PTPRD: variants seen among roughly 807,000 people sequenced by gnomAD.
The protein encoded by PTPRD is protein tyrosine phosphatase receptor type D.
In PTPRD, 34 loss-of-function variants were observed where a neutral mutation model predicts 214.5. That is an observed-to-expected ratio of 0.16 (90% CI 0.12 to 0.21). The LOEUF (loss-of-function observed/expected upper bound fraction) is 0.21, where lower values mean the gene tolerates loss of function less well. Among genes scored for constraint, PTPRD ranks in the 10% least tolerant of loss-of-function variants. The pLI, the probability that PTPRD is intolerant of heterozygous loss-of-function variation, is 1.00. For synonymous variants in PTPRD, 1,128 were observed against 845.7 expected, an observed-to-expected ratio of 1.33 and a Z score of -5.79; for missense variants, 2,545 against 2,398.7, an observed-to-expected ratio of 1.06 and a Z score of -1.27.
intron 2 of PTPRD, among the ~76,000 whole-genome samples, chr9:10,494,961 C>A (rs1379136125): frequency 6.6e-6 from 1 of 151,702 alleles, no homozygotes; most frequent in African/African-American, 2.4e-5. Context: ...CATATCATCA[C>A]TAAAAATCTG....
chr9:8,982,792 T>C (rs997939230), intron 11 of PTPRD, among the ~76,000 whole-genome samples: 2 of 152,024 alleles, frequency 1.3e-5, no homozygotes, highest in African/African-American at 4.8e-5. Flanking sequence ...TATTATTTAT[T>C]TTCCTTATTT....
chr9:8,882,801 G>A (rs1196406383), intron 11 of PTPRD, among the ~76,000 whole-genome samples: 2 of 150,862 alleles, frequency 1.3e-5, no homozygotes, highest in Non-Finnish European at 2.9e-5. Context: ...AGGAGAATCA[G>A]GTGAAGCCAG....
chr9:10,519,943 T>C (rs2051601811), intron 2 of PTPRD, among the ~76,000 whole-genome samples: 1 of 151,970 alleles, frequency 6.6e-6, no homozygotes, highest in African/African-American at 2.4e-5. Context: ...ACTACAATAT[T>C]AACATTAGCC....
Position 8,500,812 on chromosome 9 carries a change from A to T in PTPRD, c.2070T>A (p.His690Gln), listed in dbSNP as rs1478608021. 3 of 1,614,060 alleles carry T rather than the reference A, an allele frequency of 1.9e-6. No individual in the cohort carries two copies. Among genetic ancestry groups the T allele is most frequent in the Non-Finnish European group, 2.5e-6 (3 of 1,180,032 alleles). ...WTEYRITVTA[H>Q]TDVGPGPESL... The stretch of plus-strand genomic sequence containing the variant: ...TCTCAGGGCCAGGGCCGACATCTGT[A>T]TGGGCTGTCACAGTGATCCGGTATT... The change falls in exon 24 of 46, where the codon CAT (histidine) becomes CAA (glutamine). Residue 690 changes from histidine to glutamine, a missense_variant. Coordinates refer to ENST00000381196, the MANE Select transcript of PTPRD (RefSeq NM_002839.4).
intron 10 of PTPRD, among the ~76,000 whole-genome samples, chr9:9,107,521 C>A (rs922969740): frequency 2.0e-5 from 3 of 152,130 alleles, no homozygotes; most frequent in Admixed American, 6.6e-5. Context: ...TGTGAATGAT[C>A]CATTGCCTTA....
Position 10,133,636 on chromosome 9 carries a change from A to C in PTPRD, c.-544-99846T>G, listed in dbSNP as rs190976399. ...TAGTATGAAATATAACTATAAGTCC[A>C]CCATAATAAAAGTAAATAATATGTA... is the stretch of plus-strand genomic sequence containing the variant. On this transcript the variant is annotated intron_variant, in intron 3 of 45. Transcript: ENST00000381196. 4.1e-3 allele frequency among the ~76,000 whole-genome samples: 618 copies of C among 152,282 alleles called. 6 individuals carry two copies. The highest frequency in any genetic ancestry group is 0.014 in the African/African-American group (589 of 41,548).
intron 27 of PTPRD, among the ~76,000 whole-genome samples, chr9:8,491,157 A>C (rs1376428609): frequency 6.6e-6 from 1 of 152,356 alleles, no homozygotes; most frequent in South Asian, 2.1e-4. Context: ...TTACAAAAGT[A>C]AACGTGTAGG....
intron 7 of PTPRD, among the ~76,000 whole-genome samples, chr9:9,609,302 G>A (rs1310266295): frequency 6.6e-6 from 1 of 152,012 alleles, no homozygotes; most frequent in Non-Finnish European, 1.5e-5. Flanking sequence ...TTCAGTCTGA[G>A]GTTGTTTCTA....
intron 30 of PTPRD, among the ~76,000 whole-genome samples, chr9:8,473,898 T>C (rs767762484): frequency 6.6e-6 from 1 of 152,212 alleles, no homozygotes; most frequent in Non-Finnish European, 1.5e-5. Context: ...TTGAAAGAAA[T>C]AGGGCAGTGG....
intron 12 of PTPRD, among the ~76,000 whole-genome samples, chr9:8,730,178 C>A (rs1295675694): frequency 1.3e-5 from 2 of 152,132 alleles, no homozygotes; most frequent in Non-Finnish European, 2.9e-5. Context: ...ATGGCGTGAA[C>A]CCAGGAGGCG....
At chr9:10,358,012 A>G (rs1433276942) in intron 2 of PTPRD, among the ~76,000 whole-genome samples, 2 of 152,196 alleles carry the variant, frequency 1.3e-5, no homozygotes, top group East Asian at 3.8e-4. Context: ...AGTCAAAAGC[A>G]CTAACTACTG....
intron 11 of PTPRD, among the ~76,000 whole-genome samples, chr9:8,770,054 G>A (rs750613168): frequency 1.5e-4 from 23 of 152,154 alleles, no homozygotes; most frequent in African/African-American, 5.6e-4. Context: ...GCCGAGGCCG[G>A]TGGATCACCT....
At chr9:9,424,788 T>C (rs1055700291) in intron 8 of PTPRD, among the ~76,000 whole-genome samples, 1 of 152,162 alleles carries the variant, frequency 6.6e-6, no homozygotes, top group African/African-American at 2.4e-5. Context: ...TATTTTAAAA[T>C]TGCACTTCTA....
chr9:8,717,213 G>A (rs550041152), intron 12 of PTPRD, among the ~76,000 whole-genome samples: 1 of 152,258 alleles, frequency 6.6e-6, no homozygotes, highest in South Asian at 2.1e-4. Flanking sequence ...GATACCTCTA[G>A]GAGAGACACA....
intron 11 of PTPRD, among the ~76,000 whole-genome samples, chr9:8,957,703 T>C (rs1345498725): frequency 6.6e-6 from 1 of 151,882 alleles, no homozygotes. Flanking sequence ...GTCTCACACA[T>C]AGTAGGCACT....
chr9:9,996,429 T>C (rs1177792783), intron 4 of PTPRD, among the ~76,000 whole-genome samples: 1 of 151,996 alleles, frequency 6.6e-6, no homozygotes, highest in African/African-American at 2.4e-5. Context: ...CACTGGCAAA[T>C]GAGATGTCCA....
rs183980666 is a variant in PTPRD, at chr9:9,999,932, T to C, written c.-472+33786A>G. On this transcript the variant is annotated intron_variant, in intron 4 of 45. Coordinates refer to ENST00000381196, the MANE Select transcript of PTPRD (RefSeq NM_002839.4). The stretch of plus-strand genomic sequence containing the variant: ...TCCTAAAAGGAAATGACCGGTTGTT[T>C]AGAGAAAGAATGTTTAGGACAAGTC... Among the ~76,000 whole-genome samples the C allele has an allele frequency of 8.8e-4, 134 of 152,294 alleles. 1 individual carries two copies. The highest frequency in any genetic ancestry group is 2.3e-3 in the African/African-American group (94 of 41,588).
At chr9:9,569,940 G>C (rs1229904029) in intron 8 of PTPRD, among the ~76,000 whole-genome samples, 1 of 151,458 alleles carries the variant, frequency 6.6e-6, no homozygotes, top group Non-Finnish European at 1.5e-5. Flanking sequence ...GAGGCATTTT[G>C]TAACAAGTAA....
At chr9:10,314,459 T>C (rs1456614678) in intron 3 of PTPRD, among the ~76,000 whole-genome samples, 3 of 151,896 alleles carry the variant, frequency 2.0e-5, no homozygotes, top group Admixed American at 1.3e-4. Flanking sequence ...AATCAGGAAC[T>C]CCTGAGTAGG....
Sources: allele counts gnomAD v4.1 joint callset (sites outside exome capture counted in the v4.1 genomes callset), GRCh38; gene constraint gnomAD v4.1.1; transcripts MANE v1.5; gene names NCBI Gene and HGNC (gene_info 2026-07-23, HGNC 2026-07-21).